The following CNKSR3 variants were observed in gnomAD, a reference collection of about 807,000 sequenced individuals.
CNKSR3 encodes the protein connector enhancer of kinase suppressor of ras 3.
In CNKSR3, 36 loss-of-function variants were observed where a neutral mutation model predicts 67.7. The ratio of observed to expected loss-of-function variants is 0.53; its 90% CI spans 0.41 to 0.70. CNKSR3 has a LOEUF of 0.70. CNKSR3 is among the 30% of genes least tolerant of loss of function. The pLI, the probability that CNKSR3 is intolerant of heterozygous loss-of-function variation, is 0.00. For synonymous variants in CNKSR3, 281 were observed against 271.4 expected, an observed-to-expected ratio of 1.04 and a Z score of -0.35; for missense variants, 630 against 695.2, an observed-to-expected ratio of 0.91 and a Z score of 1.05.
chr6:154,422,800 CTAAAATAATG>C (rs1263418143), intron 8 of CNKSR3, 105 bp downstream of exon 8: 13 of 1,170,744 alleles, frequency 1.1e-5, no homozygotes, highest in Non-Finnish European at 1.5e-5. Flanking sequence ...TTAGCACAAC[CTAAAATAATG>C]AAAAATAGGA....
chr6:154,428,300 T>C, intron 6 of CNKSR3, 113 bp from the exon 7 acceptor site: 17 of 696,770 alleles, frequency 2.4e-5, no homozygotes. Flanking sequence ...ACAATACTCA[T>C]TTTTCAGCCT....
Position 154,428,143 on chromosome 6 carries a change from A to C in CNKSR3, c.714T>G (p.Thr238=). The part of the protein sequence containing the change: ...KSTYDGLHVI[T]GTTENSPADR... The stretch of plus-strand genomic sequence containing the variant: ...ATACACTTACATTTTCTGTGGTTCC[A>C]GTAATCACGTGTAACCCATCATAGG... The change falls in exon 7 of 13, where the codon ACT becomes ACG. Residue 238 remains threonine, a synonymous_variant. Transcript: ENST00000607772. 1 of 1,608,244 alleles carries C rather than the reference A, an allele frequency of 6.2e-7. No homozygotes were observed. The highest frequency in any genetic ancestry group is 2.2e-5 in the East Asian group (1 of 44,846).
intron 1 of CNKSR3, among the ~76,000 whole-genome samples, chr6:154,506,939 G>A (rs1025605729): frequency 6.6e-6 from 1 of 152,238 alleles, no homozygotes; most frequent in African/African-American, 2.4e-5. Context: ...GATTGTCGGT[G>A]TGGTCTAGAT....
chr6:154,459,267 GC>G (rs1786029146), intron 1 of CNKSR3, among the ~76,000 whole-genome samples: 1 of 152,002 alleles, frequency 6.6e-6, no homozygotes, highest in African/African-American at 2.4e-5. Flanking sequence ...TGGAACTGCT[GC>G]TCCCTTGGAA....
chr6:154,446,192 G>C (rs1193452537), intron 2 of CNKSR3, among the ~76,000 whole-genome samples: 1 of 152,110 alleles, frequency 6.6e-6, no homozygotes, highest in Non-Finnish European at 1.5e-5. Context: ...ATCCTTTCCT[G>C]ATCTGGCTAG....
In CNKSR3 at chr6:154,387,749, C is replaced by A. The variant is rs1197688700; in HGVS notation, c.*18605G>T. 6.6e-6 allele frequency: 1 copy of A among 152,044 alleles called. No homozygotes were observed. The highest frequency in any genetic ancestry group is 1.5e-5 in the Non-Finnish European group (1 of 68,000). 9.4% of individuals were successfully genotyped at this position (152,044 alleles called of 1,614,324 possible). A position where few individuals can be genotyped will look rare whatever the true frequency, so the allele number is the denominator to read the frequency against. ...AAATTAGAAACAAACATATTCAATG[C>A]TTTTTGAAAAATCAGGCCTTATTTA... is the stretch of plus-strand genomic sequence containing the variant. On this transcript the variant is annotated 3_prime_UTR_variant, in exon 13 of 13. Transcript: ENST00000607772.
intron 1 of CNKSR3, among the ~76,000 whole-genome samples, chr6:154,495,160 C>T (rs1786852274): frequency 6.6e-6 from 1 of 152,146 alleles, no homozygotes. Flanking sequence ...ATTTGCACCT[C>T]ATTACAACAT....
At chr6:154,505,702 A>G (rs1328809739) in intron 1 of CNKSR3, among the ~76,000 whole-genome samples, 8 of 149,374 alleles carry the variant, frequency 5.4e-5, no homozygotes, top group African/African-American at 1.2e-4. Context: ...GGGTTTCACC[A>G]TGTTGGTCAG....
chr6:154,439,818 G>A (rs574918006), intron 4 of CNKSR3, among the ~76,000 whole-genome samples: 17 of 152,186 alleles, frequency 1.1e-4, no homozygotes, highest in Non-Finnish European at 2.1e-4. Flanking sequence ...CTTGAGCAAG[G>A]AGGTCGAGGC....
rs1009070166 is a variant in CNKSR3, at chr6:154,395,900, A to G, written c.*10454T>C. The G allele has an allele frequency of 7.2e-5, 11 of 152,282 alleles. No homozygotes were observed. The highest frequency in any genetic ancestry group is 3.4e-3 in the Middle Eastern group (1 of 294). 9.4% of individuals were successfully genotyped at this position (152,282 alleles called of 1,614,324 possible). On this transcript the variant is annotated 3_prime_UTR_variant, in exon 13 of 13. Transcript: ENST00000607772. ...CAGGTGCACACCACCACACTCGGTT[A>G]ATTTTGTTTGTTTGGAGGCAGGGTT...
intron 1 of CNKSR3, among the ~76,000 whole-genome samples, chr6:154,499,690 G>A (rs1047056572): frequency 1.3e-5 from 2 of 152,008 alleles, no homozygotes; most frequent in East Asian, 1.9e-4. Context: ...AGTTGATCTC[G>A]AACTCCTGGG....
intron 4 of CNKSR3, among the ~76,000 whole-genome samples, chr6:154,439,784 C>T (rs1785544305): frequency 6.6e-6 from 1 of 152,104 alleles, no homozygotes; most frequent in Admixed American, 6.6e-5. Context: ...CCCAGCTATC[C>T]AGGAGGCTAA....
At chr6:154,448,699 A>G (rs2128718866) in intron 2 of CNKSR3, among the ~76,000 whole-genome samples, 1 of 152,318 alleles carries the variant, frequency 6.6e-6, no homozygotes, top group South Asian at 2.1e-4. Context: ...TCATTTATCA[A>G]CTACAAATAA....
At chr6:154,507,504 C>T (rs944055525) in intron 1 of CNKSR3, among the ~76,000 whole-genome samples, 8 of 152,198 alleles carry the variant, frequency 5.3e-5, no homozygotes, top group African/African-American at 1.2e-4. Flanking sequence ...TATAAGCAGA[C>T]GAGCTTTTGT....
At chr6:154,497,534 A>C (rs1786904096) in intron 1 of CNKSR3, among the ~76,000 whole-genome samples, 1 of 152,336 alleles carries the variant, frequency 6.6e-6, no homozygotes, top group Middle Eastern at 3.4e-3. Flanking sequence ...AAGCAGAGTA[A>C]TTGGTACAAA....
intron 9 of CNKSR3, among the ~76,000 whole-genome samples, chr6:154,417,600 C>T (rs1374163628): frequency 6.6e-6 from 1 of 152,086 alleles, no homozygotes; most frequent in Non-Finnish European, 1.5e-5. Flanking sequence ...AAATTCTCAC[C>T]CCCAGTACCC....
At chr6:154,429,671 A>T (rs1299282652) in intron 6 of CNKSR3, among the ~76,000 whole-genome samples, 1 of 152,108 alleles carries the variant, frequency 6.6e-6, no homozygotes, top group East Asian at 1.9e-4. Flanking sequence ...CTGCCTTAAC[A>T]GCTCCTGACA....
At chr6:154,426,558 T>C (rs931151082) in intron 7 of CNKSR3, among the ~76,000 whole-genome samples, 34 of 152,170 alleles carry the variant, frequency 2.2e-4, no homozygotes, top group Non-Finnish European at 2.9e-5. Flanking sequence ...GGTTTCACCA[T>C]GTTAGCCAGG....
rs1468418903 is a variant in CNKSR3 at position 154,428,271 on chromosome 6, TAAC to T, written c.670-87_670-85del. On this transcript the variant is annotated intron_variant, in intron 6 of 12. Transcript: ENST00000607772. ...AGTGAGACTTAAACTTATAAAACAT[TAAC>T]AACAGTCCCTTCAGAACAATACTCA... 3 of 838,998 alleles carry T rather than the reference TAAC, an allele frequency of 3.6e-6. No individual in the cohort carries two copies. In the East Asian group the frequency reaches 7.5e-5, roughly 21 times the overall value. 52.0% of individuals were successfully genotyped at this position (838,998 alleles called of 1,614,324 possible). A position where few individuals can be genotyped will look rare whatever the true frequency, so the allele number is the denominator to read the frequency against.
Sources: gnomAD v4.1 joint callset for allele counts (sites outside exome capture counted in the v4.1 genomes callset) on GRCh38, gnomAD v4.1.1 for gene constraint, MANE v1.5 for transcripts, NCBI Gene and HGNC (gene_info 2026-07-23, HGNC 2026-07-21) for gene names.